The following BLK variants were observed in gnomAD, a reference collection of about 807,000 sequenced individuals.
The protein encoded by BLK is tyrosine-protein kinase Blk.
Under a neutral mutation model 61.8 loss-of-function variants are expected in BLK, and 64 were observed. That is an observed-to-expected ratio of 1.03 (90% confidence interval 0.85 to 1.27). The LOEUF (loss-of-function observed/expected upper bound fraction) is 1.27. Among genes scored for constraint, BLK ranks in the 50% most tolerant of loss-of-function variants. The pLI, the probability that BLK is intolerant of heterozygous loss-of-function variation, is 0.00. For missense variants in BLK, 853 were observed against 660.5 expected, an observed-to-expected ratio of 1.29 and a Z score of -3.19; for synonymous variants, 351 against 272.0, an observed-to-expected ratio of 1.29 and a Z score of -2.86.
intron 1 of BLK, among the ~76,000 whole-genome samples, chr8:11,528,336 A>G (rs2252386): frequency 0.016 from 2,462 of 152,268 alleles, 38 homozygotes; most frequent in African/African-American, 0.042. Context: ...GCACTTGATG[A>G]TCATTCTTGC....
chr8:11,515,691 A>C (rs371666715), intron 1 of BLK, among the ~76,000 whole-genome samples: 3 of 151,938 alleles, frequency 2.0e-5, no homozygotes, highest in African/African-American at 7.3e-5. Context: ...ATATTGTATC[A>C]GTGCTTAAAA....
At position 11,555,431 on chromosome 8, in the gene BLK, C is replaced by G; in HGVS notation, c.719C>G (p.Ser240Cys). The change falls in exon 8 of 13, where the codon TCT (serine) becomes TGT (cysteine). Residue 240 changes from serine (S) to cysteine (C), a missense_variant. Coordinates refer to ENST00000259089, the MANE Select transcript of BLK (RefSeq NM_001715.3). ...AQDEWEIPRQ[S>C]LRLVRKLGSG... The stretch of plus-strand genomic sequence containing the variant: ...GATGAATGGGAGATCCCCCGGCAGT[C>G]TCTCAGGCTGGTCAGGAAACTCGGG... 1.2e-6 allele frequency: 2 copies of G among 1,614,196 alleles called. No homozygotes were observed. Among genetic ancestry groups the G allele is most frequent in the Non-Finnish European group, 1.7e-6 (2 of 1,180,032 alleles).
intron 1 of BLK, among the ~76,000 whole-genome samples, chr8:11,519,469 T>A (rs894724178): frequency 6.6e-6 from 1 of 152,168 alleles, no homozygotes; most frequent in African/African-American, 2.4e-5. Context: ...TACATCCACA[T>A]GTAGTAGGGA....
intron 5 of BLK, 130 bp from the exon 6 acceptor site, chr8:11,550,029 C>T (rs1483056757): frequency 3.6e-6 from 3 of 824,806 alleles, no homozygotes; most frequent in Non-Finnish European, 6.1e-6. Flanking sequence ...AGCAGCAGCT[C>T]AGGGCCGACT....
At chr8:11,501,254 A>G (rs1361524974) in intron 1 of BLK, among the ~76,000 whole-genome samples, 1 of 152,236 alleles carries the variant, frequency 6.6e-6, no homozygotes, top group Non-Finnish European at 1.5e-5. Context: ...AATAAATAAA[A>G]GGATCCTTTA....
chr8:11,546,080 C>A lies in BLK; in HGVS notation c.152C>A (p.Pro51Gln). Reference protein sequence around the residue: ...LVVFNHLTPPPPDEHLDEDKH... With the variant: ...LVVFNHLTPPQPDEHLDEDKH... The stretch of plus-strand genomic sequence containing the variant: ...GTCTTCAACCACCTTACTCCTCCAC[C>A]GCCCGATGAACACCTGGATGAAGGT... The change falls in exon 3 of 13, where the codon CCG becomes CAG. Residue 51 changes from proline to glutamine, a missense_variant. Transcript: ENST00000259089. 6.2e-7 allele frequency: 1 copy of A among 1,614,174 alleles called. No individual in the cohort carries two copies. The highest frequency in any genetic ancestry group is 8.5e-7 in the Non-Finnish European group (1 of 1,180,032).
intron 1 of BLK, among the ~76,000 whole-genome samples, chr8:11,510,108 G>T (rs1013863822): frequency 6.6e-6 from 1 of 152,134 alleles, no homozygotes; most frequent in Non-Finnish European, 1.5e-5. Flanking sequence ...AAAAATAAAT[G>T]CAGCTTGCAA....
chr8:11,535,889 C>T (rs1000143943), intron 1 of BLK, among the ~76,000 whole-genome samples: 12 of 152,242 alleles, frequency 7.9e-5, no homozygotes, highest in East Asian at 1.9e-4. Context: ...ATCACAAGGA[C>T]GCAAAATCCA....
chr8:11,533,747 G>T (rs1799999023), intron 1 of BLK, among the ~76,000 whole-genome samples: 1 of 152,158 alleles, frequency 6.6e-6, no homozygotes. Flanking sequence ...TTGCAGGCTG[G>T]AAAGTACCAC....
intron 1 of BLK, among the ~76,000 whole-genome samples, chr8:11,516,838 C>G (rs921211362): frequency 3.9e-5 from 6 of 152,256 alleles, no homozygotes; most frequent in African/African-American, 1.4e-4. Context: ...TCCATGGACA[C>G]TGGCTGCTGC....
chr8:11,558,055 G>A lies in BLK; in HGVS notation c.1029+17G>A. 1 of 1,613,750 alleles carries A rather than the reference G, an allele frequency of 6.2e-7. No individual in the cohort carries two copies. The highest frequency in any genetic ancestry group is 1.1e-5 in the South Asian group (1 of 91,074). ...TCGGCGCAGGTTGGTGAAGTACCAG[G>A]TGCAGAGAAAGGGCGGCATGTGCCA... is the stretch of plus-strand genomic sequence containing the variant. On this transcript the variant is annotated intron_variant, in intron 10 of 12. Coordinates refer to ENST00000259089, the MANE Select transcript of BLK (RefSeq NM_001715.3).
intron 10 of BLK, chr8:11,558,596 C>A (rs60348781): frequency 8.9e-6 from 4 of 451,860 alleles, no homozygotes; most frequent in Non-Finnish European, 1.8e-5. Context: ...CAGGGAATTG[C>A]GAGTGCTGGA....
At chr8:11,495,183 CA>C (rs1798319075) in intron 1 of BLK, among the ~76,000 whole-genome samples, 6 of 152,186 alleles carry the variant, frequency 3.9e-5, no homozygotes, top group Admixed American at 3.9e-4. Context: ...CATAGTTGAT[CA>C]CATATTTTGA....
chr8:11,560,062 A>G (rs906815214), intron 10 of BLK: 2 of 324,138 alleles, frequency 6.2e-6, no homozygotes, highest in African/African-American at 4.5e-5. Flanking sequence ...TATATTCCCC[A>G]CAGTCCCATA....
intron 1 of BLK, among the ~76,000 whole-genome samples, chr8:11,495,235 T>C (rs1798321093): frequency 6.6e-6 from 1 of 152,218 alleles, no homozygotes; most frequent in Admixed American, 6.5e-5. Flanking sequence ...AACGTTTCCA[T>C]TTATCTGGTA....
At chr8:11,532,341 G>A (rs969554792) in intron 1 of BLK, among the ~76,000 whole-genome samples, 11 of 149,086 alleles carry the variant, frequency 7.4e-5, no homozygotes, top group African/African-American at 2.7e-4. Context: ...TAGGATTACA[G>A]GCACGCAGCA....
At chr8:11,532,514 CT>C (rs1185021503) in intron 1 of BLK, among the ~76,000 whole-genome samples, 1 of 152,012 alleles carries the variant, frequency 6.6e-6, no homozygotes, top group African/African-American at 2.4e-5. Context: ...TCTGGCCTCT[CT>C]TTTTTCTTAA....
In BLK at chr8:11,549,087, C is replaced by T. The variant is rs1800786595; in HGVS notation, c.333C>T (p.Asn111=). 1 of 1,610,748 alleles carries T rather than the reference C, an allele frequency of 6.2e-7. No individual in the cohort carries two copies. Among genetic ancestry groups the T allele is most frequent in the Non-Finnish European group, 8.5e-7 (1 of 1,178,732 alleles). Residue 111 remains asparagine (N), a synonymous_variant, in exon 5 of 13, where the codon AAC becomes AAT. Coordinates refer to ENST00000259089, the MANE Select transcript of BLK (RefSeq NM_001715.3). ...VTGREGYVPS[N]FVARVESLEM... ...GAAGAGAAGGCTATGTGCCCAGTAACTTTGTGGCCCGAGTGGAGAGCCTGG... is the reference window on the plus strand; with the variant it reads ...GAAGAGAAGGCTATGTGCCCAGTAATTTTGTGGCCCGAGTGGAGAGCCTGG...
At chr8:11,550,515 G>A (rs1693557920) in intron 6 of BLK, among the ~76,000 whole-genome samples, 1 of 152,278 alleles carries the variant, frequency 6.6e-6, no homozygotes, top group Non-Finnish European at 1.5e-5. Flanking sequence ...ACGCCAGACT[G>A]GCCCTGCTGC....
Sources: allele counts gnomAD v4.1 joint callset (sites outside exome capture counted in the v4.1 genomes callset), GRCh38; gene constraint gnomAD v4.1.1; transcripts MANE v1.5; gene names NCBI Gene and HGNC (gene_info 2026-07-23, HGNC 2026-07-21).